Variants in RAPGEF5 observed in about 807,000 individuals in gnomAD.
RAPGEF5 encodes the protein Rap guanine nucleotide exchange factor 5.
A neutral mutation model predicts 125.2 loss-of-function variants in RAPGEF5; 65 were observed. The observed-to-expected ratio is 0.52, with a 90% CI of 0.43 to 0.64. The LOEUF (loss-of-function observed/expected upper bound fraction) is 0.64. Among genes scored for constraint, RAPGEF5 ranks in the 30% least tolerant of loss-of-function variants. The pLI is 0.00. For missense variants in RAPGEF5, 958 were observed against 1,048.1 expected, an observed-to-expected ratio of 0.91 and a Z score of 1.19; for synonymous variants, 391 against 385.9, an observed-to-expected ratio of 1.01 and a Z score of -0.16.
chr7:22,191,724 A>G, intron 11 of RAPGEF5: 1 of 467,392 alleles, frequency 2.1e-6, no homozygotes, highest in Non-Finnish European at 4.5e-6. Flanking sequence ...TGACATTAGC[A>G]ACAATAATAA....
In RAPGEF5 at chr7:22,322,907, G is replaced by A. The variant is rs577770146; in HGVS notation, c.232-4870C>T. Among the ~76,000 whole-genome samples, 15 of 152,328 alleles carry A rather than the reference G, an allele frequency of 9.8e-5. 1 individual carries two copies. In the East Asian group the frequency reaches 2.7e-3, roughly 27 times the overall value. ...AATAAGTGATTGAGAATGGCAAATTGAACCTCTCCTCATCCACTTTAGCTA... is the reference window on the plus strand; with the variant it reads ...AATAAGTGATTGAGAATGGCAAATTAAACCTCTCCTCATCCACTTTAGCTA... On this transcript the variant is annotated intron_variant, in intron 1 of 25. Coordinates refer to ENST00000665637, the MANE Select transcript of RAPGEF5 (RefSeq NM_012294.5).
chr7:22,221,822 T>C (rs1583493544), intron 8 of RAPGEF5, among the ~76,000 whole-genome samples: 1 of 152,336 alleles, frequency 6.6e-6, no homozygotes, highest in Admixed American at 6.5e-5. Context: ...ATTAGCAGCA[T>C]GAGAGCAGAC....
chr7:22,193,319 G>A, intron 11 of RAPGEF5, 48 bp downstream of exon 11: 3 of 1,537,858 alleles, frequency 2.0e-6, no homozygotes, highest in Non-Finnish European at 2.6e-6. Flanking sequence ...TACTGACAAG[G>A]GCATCAGCTG....
intron 1 of RAPGEF5, among the ~76,000 whole-genome samples, chr7:22,355,710 G>A (rs936826250): frequency 7.9e-5 from 12 of 152,122 alleles, no homozygotes; most frequent in African/African-American, 2.4e-4. Flanking sequence ...AAAGAGAGAT[G>A]CAGCCTCGAG....
chr7:22,140,246 C>A lies in RAPGEF5; in HGVS notation c.2187-131G>T. ...ATTCTGCTCTACAGCCTACGTACCC[C>A]TTACTGCCCTTCAGCTGTCTCTAAT... is the stretch of plus-strand genomic sequence containing the variant. On this transcript the variant is annotated intron_variant, in intron 20 of 25. Transcript: ENST00000665637. 7 of 729,110 alleles carry A rather than the reference C, an allele frequency of 9.6e-6. No homozygotes were observed. In the Admixed American group the frequency reaches 1.5e-4, roughly 16 times the overall value. The allele number at this position is 729,110 out of a possible 1,614,324, so 45.2% of individuals were successfully genotyped here.
chr7:22,186,632 T>G (rs1051628794), intron 11 of RAPGEF5, among the ~76,000 whole-genome samples: 2 of 152,198 alleles, frequency 1.3e-5, no homozygotes, highest in Non-Finnish European at 2.9e-5. Flanking sequence ...GCCTATGCAT[T>G]TGGAGGTCAA....
intron 7 of RAPGEF5, among the ~76,000 whole-genome samples, chr7:22,242,620 G>A (rs1343111906): frequency 6.6e-6 from 1 of 152,168 alleles, no homozygotes; most frequent in East Asian, 1.9e-4. Context: ...ACCAGCCCCA[G>A]GAAGCAGCTA....
At chr7:22,161,182 C>T (rs942313824) in intron 13 of RAPGEF5, among the ~76,000 whole-genome samples, 6 of 152,052 alleles carry the variant, frequency 3.9e-5, no homozygotes, top group Non-Finnish European at 2.9e-5. Context: ...GCACTCCAGC[C>T]TAGGCGACAG....
chr7:22,136,021 A>T lies in RAPGEF5; in HGVS notation c.2416+17T>A. 1 of 1,558,692 alleles carries T rather than the reference A, an allele frequency of 6.4e-7. No individual in the cohort carries two copies. The highest frequency in any genetic ancestry group is 8.8e-7 in the Non-Finnish European group (1 of 1,140,630). ...GAAATATGAAATTACATGGCATAAA[A>T]GATAGAAAATCATTACCTTTAAGCA... On this transcript the variant is annotated intron_variant, in intron 23 of 25. Coordinates refer to ENST00000665637, the MANE Select transcript of RAPGEF5 (RefSeq NM_012294.5).
chr7:22,122,853 C>A (rs1782622930), intron 25 of RAPGEF5, among the ~76,000 whole-genome samples: 1 of 152,166 alleles, frequency 6.6e-6, no homozygotes, highest in Admixed American at 6.5e-5. Context: ...GGATTCGGAC[C>A]CAGGACAGAT....
intron 5 of RAPGEF5, among the ~76,000 whole-genome samples, chr7:22,301,848 T>C (rs1289592493): frequency 6.6e-6 from 1 of 152,102 alleles, no homozygotes; most frequent in Non-Finnish European, 1.5e-5. Context: ...TCTCAGGAAA[T>C]AATTTTGGTT....
At chr7:22,246,561 A>G (rs1482060127) in intron 7 of RAPGEF5, among the ~76,000 whole-genome samples, 1 of 152,186 alleles carries the variant, frequency 6.6e-6, no homozygotes, top group Non-Finnish European at 1.5e-5. Context: ...ACCTTTTACC[A>G]TTTATAAAAA....
At chr7:22,176,120 G>T (rs912363634) in intron 11 of RAPGEF5, among the ~76,000 whole-genome samples, 13 of 152,142 alleles carry the variant, frequency 8.5e-5, no homozygotes, top group African/African-American at 2.4e-4. Context: ...GTCTTACATG[G>T]TGTGTGCGTG....
At chr7:22,224,957 A>G (rs1028610395) in intron 8 of RAPGEF5, among the ~76,000 whole-genome samples, 1 of 151,920 alleles carries the variant, frequency 6.6e-6, no homozygotes, top group African/African-American at 2.4e-5. Context: ...TTTTTCAAGG[A>G]ACTCTAAGCA....
intron 1 of RAPGEF5, among the ~76,000 whole-genome samples, chr7:22,351,956 G>A (rs1784339007): frequency 6.6e-6 from 1 of 152,188 alleles, no homozygotes; most frequent in Non-Finnish European, 1.5e-5. Context: ...GCTACCAGCT[G>A]TTCTTCCCAG....
intron 1 of RAPGEF5, among the ~76,000 whole-genome samples, chr7:22,335,432 C>T (rs955936130): frequency 6.6e-6 from 1 of 152,166 alleles, no homozygotes; most frequent in Non-Finnish European, 1.5e-5. Flanking sequence ...TCTCTTCCCA[C>T]AAGAGCTATC....
intron 1 of RAPGEF5, among the ~76,000 whole-genome samples, chr7:22,329,287 A>T (rs1297799239): frequency 6.6e-6 from 1 of 152,230 alleles, no homozygotes; most frequent in African/African-American, 2.4e-5. Flanking sequence ...TTTTAAAAGT[A>T]TGTTTACACT....
chr7:22,175,549 C>A (rs1394745051), intron 11 of RAPGEF5, among the ~76,000 whole-genome samples: 2 of 152,158 alleles, frequency 1.3e-5, no homozygotes, highest in African/African-American at 4.8e-5. Flanking sequence ...AAGCCTTCAG[C>A]ACCAATCTGC....
chr7:22,276,037 T>G (rs1272984722), intron 6 of RAPGEF5, among the ~76,000 whole-genome samples: 1 of 152,224 alleles, frequency 6.6e-6, no homozygotes. Context: ...TGGTAATTTC[T>G]CTGAAGCCCT....
Sources: allele counts gnomAD v4.1 joint callset (sites outside exome capture counted in the v4.1 genomes callset), GRCh38; gene constraint gnomAD v4.1.1; transcripts MANE v1.5; gene names NCBI Gene and HGNC (gene_info 2026-07-23, HGNC 2026-07-21).